Variants in SNX8 observed in about 807,000 individuals in gnomAD.
SNX8 encodes sorting nexin 8.
In SNX8, 25 loss-of-function variants were observed where a neutral mutation model predicts 51.6. That is an observed-to-expected ratio of 0.48 (90% CI 0.35 to 0.68). The LOEUF (loss-of-function observed/expected upper bound fraction) is 0.68, where lower values mean the gene tolerates loss of function less well. SNX8 is among the 30% of genes least tolerant of loss of function. The pLI is 0.00. For missense variants in SNX8, 695 were observed against 624.0 expected, an observed-to-expected ratio of 1.11 and a Z score of -1.21; for synonymous variants, 324 against 277.0, an observed-to-expected ratio of 1.17 and a Z score of -1.68.
chr7:2,281,172 C>A (rs982985366), intron 1 of SNX8, among the ~76,000 whole-genome samples: 1 of 152,072 alleles, frequency 6.6e-6, no homozygotes, highest in Non-Finnish European at 1.5e-5. Flanking sequence ...CACCTACAAT[C>A]CCAGCACTTT....
At chr7:2,332,911 G>T (rs188943049) in intron 1 of SNX8, among the ~76,000 whole-genome samples, 32 of 151,222 alleles carry the variant, frequency 2.1e-4, no homozygotes, top group African/African-American at 7.5e-4. Flanking sequence ...AAGAAAAAAG[G>T]GAAAGAAAGG....
intron 1 of SNX8, among the ~76,000 whole-genome samples, chr7:2,285,897 G>A (rs1424059213): frequency 1.3e-5 from 2 of 151,702 alleles, no homozygotes; most frequent in East Asian, 1.9e-4. Flanking sequence ...TGCCCAGGCT[G>A]GTCTCGAACT....
At chr7:2,350,956 A>C (rs1189668271) in intron 1 of SNX8, among the ~76,000 whole-genome samples, 1 of 152,100 alleles carries the variant, frequency 6.6e-6, no homozygotes. Flanking sequence ...TCTCTAAATA[A>C]ACAATTTAAA....
chr7:2,277,636 TA>T (rs11340901), intron 2 of SNX8, among the ~76,000 whole-genome samples: 135,906 of 149,978 alleles, frequency 0.91, 61,910 homozygotes, highest in Non-Finnish European at 0.96. Context: ...CTGTCTCTAC[TA>T]AAAAAAAAAA....
chr7:2,292,092 T>C lies in SNX8; in HGVS notation c.95-13787A>G, dbSNP rs180695817. Among the ~76,000 whole-genome samples, 527 of 152,248 alleles carry C rather than the reference T, an allele frequency of 3.5e-3. 3 individuals are homozygous for C. The highest frequency in any genetic ancestry group is 0.012 in the African/African-American group (489 of 41,570). Reference sequence around the variant, plus strand: ...CAGCCTGACCAACATGGTGAAACCCTGTCTCTACTAAAAATACGAAATTAG... The same window carrying C: ...CAGCCTGACCAACATGGTGAAACCCCGTCTCTACTAAAAATACGAAATTAG... On this transcript the variant is annotated intron_variant, in intron 1 of 10. Coordinates refer to ENST00000222990, the MANE Select transcript of SNX8 (RefSeq NM_013321.4).
chr7:2,311,788 T>A (rs1248129173), intron 1 of SNX8, among the ~76,000 whole-genome samples: 45 of 150,224 alleles, frequency 3.0e-4, no homozygotes, highest in Admixed American at 6.7e-4. Context: ...ATACAAAAAA[T>A]TAGCCGGGCG....
intron 5 of SNX8, among the ~76,000 whole-genome samples, chr7:2,264,665 A>G (rs1795423044): frequency 6.6e-6 from 1 of 152,178 alleles, no homozygotes; most frequent in Admixed American, 6.5e-5. Context: ...TGCCACAAAC[A>G]CAAAGACAAA....
intron 1 of SNX8, among the ~76,000 whole-genome samples, chr7:2,331,184 CAAAAAA>C (rs71023397): frequency 2.9e-4 from 22 of 76,736 alleles, no homozygotes; most frequent in African/African-American, 1.2e-3. Context: ...GACTCTGTCT[CAAAAAA>C]AAAAAAAAAA....
At chr7:2,278,589 CACTCACTCACACTACGGAGTCGACGCCGG>C (rs1795838459) in intron 1 of SNX8, among the ~76,000 whole-genome samples, 5 of 151,778 alleles carry the variant, frequency 3.3e-5, no homozygotes, top group Admixed American at 6.6e-5. Flanking sequence ...CAGCCACACT[CACTCACTCACACTACGGAGTCGACGCCGG>C]ACTCACTCAC....
chr7:2,338,266 TC>T (rs1235865270), intron 1 of SNX8, among the ~76,000 whole-genome samples: 1 of 151,894 alleles, frequency 6.6e-6, no homozygotes, highest in East Asian at 1.9e-4. Flanking sequence ...ATCAAGACCA[TC>T]CTGGCTAACA....
intron 7 of SNX8, among the ~76,000 whole-genome samples, chr7:2,258,069 G>A (rs1453159379): frequency 6.7e-6 from 1 of 148,854 alleles, no homozygotes; most frequent in Non-Finnish European, 1.5e-5. Flanking sequence ...GGAATGCAGT[G>A]GCACGATCTC....
chr7:2,347,362 TC>T (rs1412964596), intron 1 of SNX8, among the ~76,000 whole-genome samples: 1 of 149,510 alleles, frequency 6.7e-6, no homozygotes, highest in Non-Finnish European at 1.5e-5. Flanking sequence ...GCGCCTGTAG[TC>T]CTCAATCCTC....
chr7:2,255,564 CCT>C (rs1483973208), intron 10 of SNX8, among the ~76,000 whole-genome samples: 1 of 152,200 alleles, frequency 6.6e-6, no homozygotes, highest in Non-Finnish European at 1.5e-5. Context: ...ACACGGACAC[CCT>C]GTCTCCACAG....
At chr7:2,261,483 C>T (rs1201627537) in intron 7 of SNX8, among the ~76,000 whole-genome samples, 2 of 152,220 alleles carry the variant, frequency 1.3e-5, no homozygotes, top group East Asian at 1.9e-4. Context: ...AGTCCAACCC[C>T]CTTGTATTTA....
At position 2,327,278 on chromosome 7, in the gene SNX8, T is replaced by C. The variant is rs146906865; in HGVS notation, c.-66+26944A>G. Among the ~76,000 whole-genome samples the C allele has an allele frequency of 4.8e-3, 730 of 152,114 alleles. 3 individuals are homozygous for C. The highest frequency in any genetic ancestry group is 0.016 in the African/African-American group (678 of 41,532). On this transcript the variant is annotated intron_variant, in intron 1 of 5. Coordinates refer to the SNX8 transcript ENST00000435336. The stretch of plus-strand genomic sequence containing the variant: ...GTTTTGAGACAGAGTCTGGCTCTGT[T>C]GCCCAGGCTGGAGTGCTGTGGTGCA...
upstream of SNX8, among the ~76,000 whole-genome samples, chr7:2,317,009 G>A (rs759633048): frequency 3.3e-5 from 5 of 152,154 alleles, no homozygotes; most frequent in East Asian, 1.9e-4. Context: ...GCAACACACC[G>A]CAGAAGAGGG....
intron 1 of SNX8, among the ~76,000 whole-genome samples, chr7:2,286,358 TA>T (rs1406658537): frequency 6.6e-6 from 1 of 152,070 alleles, no homozygotes; most frequent in Non-Finnish European, 1.5e-5. Flanking sequence ...TCAATTTCAT[TA>T]ACCTTTAGGT....
chr7:2,326,749 A>C (rs1287296933), intron 1 of SNX8, among the ~76,000 whole-genome samples: 1 of 152,090 alleles, frequency 6.6e-6, no homozygotes, highest in Non-Finnish European at 1.5e-5. Flanking sequence ...GCTTGGTTTA[A>C]TATTTCAAAA....
intron 7 of SNX8, among the ~76,000 whole-genome samples, chr7:2,261,578 G>A (rs1317776851): frequency 6.6e-6 from 1 of 152,208 alleles, no homozygotes; most frequent in African/African-American, 2.4e-5. Context: ...GCAGGGCCCT[G>A]AGGTCCTCTG....
Sources: gnomAD v4.1 joint callset for allele counts (sites outside exome capture counted in the v4.1 genomes callset) on GRCh38, gnomAD v4.1.1 for gene constraint, MANE v1.5 for transcripts, NCBI Gene and HGNC (gene_info 2026-07-23, HGNC 2026-07-21) for gene names.